IQGAP1: variants seen among roughly 807,000 people sequenced by gnomAD.
The protein encoded by IQGAP1 is ras GTPase-activating-like protein IQGAP1.
A neutral mutation model predicts 215.6 loss-of-function variants in IQGAP1; 66 were observed. The observed-to-expected ratio is 0.31, with a 90% CI of 0.25 to 0.38. IQGAP1 has a LOEUF of 0.38. Ranked by LOEUF, IQGAP1 falls within the 10% of genes least tolerant of loss-of-function variation. IQGAP1 has a pLI of 1.00. For synonymous variants in IQGAP1, 772 were observed against 728.7 expected (o/e 1.06, Z -0.96); for missense variants, 1,712 against 1,997.1 (o/e 0.86, Z 2.72).
intron 2 of IQGAP1, among the ~76,000 whole-genome samples, chr15:90,397,222 C>A (rs1316568708): frequency 1.3e-5 from 2 of 152,134 alleles, no homozygotes; most frequent in African/African-American, 4.8e-5. Flanking sequence ...TAAGAAAAGT[C>A]ATGTGGCTCT....
chr15:90,465,274 G>C (rs780868972), intron 15 of IQGAP1, among the ~76,000 whole-genome samples: 1 of 152,196 alleles, frequency 6.6e-6, no homozygotes, highest in African/African-American at 2.4e-5. Flanking sequence ...AACATTAGTA[G>C]TCATAGAGAA....
chr15:90,449,025 G>A (rs576567571), intron 10 of IQGAP1, among the ~76,000 whole-genome samples: 38 of 150,596 alleles, frequency 2.5e-4, no homozygotes, highest in African/African-American at 8.5e-4. Context: ...AAAAGACATT[G>A]GGGAAAACCT....
intron 5 of IQGAP1, among the ~76,000 whole-genome samples, chr15:90,436,465 G>T (rs1032719735): frequency 1.3e-5 from 2 of 152,166 alleles, no homozygotes; most frequent in African/African-American, 2.4e-5. Context: ...CTGTGTTTCA[G>T]GGTCTTTATT....
chr15:90,415,643 C>T (rs1438723012), intron 2 of IQGAP1, among the ~76,000 whole-genome samples: 1 of 152,202 alleles, frequency 6.6e-6, no homozygotes, highest in Non-Finnish European at 1.5e-5. Flanking sequence ...TGAGATTTCA[C>T]ATCTTTCCCA....
intron 2 of IQGAP1, among the ~76,000 whole-genome samples, chr15:90,422,565 T>C (rs1471159657): frequency 6.8e-6 from 1 of 147,278 alleles, no homozygotes; most frequent in Non-Finnish European, 1.5e-5. Context: ...TATAATAACA[T>C]GGAAAATATA....
chr15:90,415,010 A>G (rs1444767551), intron 2 of IQGAP1, among the ~76,000 whole-genome samples: 1 of 152,206 alleles, frequency 6.6e-6, no homozygotes, highest in Non-Finnish European at 1.5e-5. Context: ...AGTGTTTGTA[A>G]GTTTGCTGTA....
intron 5 of IQGAP1, among the ~76,000 whole-genome samples, chr15:90,437,605 G>C (rs914416258): frequency 6.6e-6 from 1 of 152,138 alleles, no homozygotes; most frequent in African/African-American, 2.4e-5. Flanking sequence ...GCAGAGGTGT[G>C]ATCTTGACTC....
At chr15:90,422,620 ATATATG>A (rs1401415632) in intron 2 of IQGAP1, among the ~76,000 whole-genome samples, 1 of 74,332 alleles carries the variant, frequency 1.3e-5, no homozygotes, top group Non-Finnish European at 2.5e-5. Flanking sequence ...ATATATATAT[ATATATG>A]TATATATATA....
At chr15:90,473,833 G>A in intron 20 of IQGAP1, 35 bp downstream of exon 20, 3 of 1,609,604 alleles carry the variant, frequency 1.9e-6, no homozygotes, top group Non-Finnish European at 2.5e-6. Context: ...TCCATGAGGG[G>A]CACAGGTATA....
intron 15 of IQGAP1, among the ~76,000 whole-genome samples, chr15:90,463,462 C>T (rs1461473133): frequency 6.6e-6 from 1 of 152,186 alleles, no homozygotes; most frequent in East Asian, 1.9e-4. Context: ...ACTAGACCAT[C>T]AGCCCTCTCG....
chr15:90,415,390 T>C (rs1004478554), intron 2 of IQGAP1, among the ~76,000 whole-genome samples: 4 of 152,220 alleles, frequency 2.6e-5, no homozygotes, highest in African/African-American at 9.6e-5. Flanking sequence ...GTTAAAGTTT[T>C]ATTTAGTTTT....
At chr15:90,415,547 T>C (rs545412104) in intron 2 of IQGAP1, among the ~76,000 whole-genome samples, 1 of 152,322 alleles carries the variant, frequency 6.6e-6, no homozygotes, top group East Asian at 1.9e-4. Context: ...TCTAATCCAT[T>C]TGGTGTTTAA....
intron 2 of IQGAP1, among the ~76,000 whole-genome samples, chr15:90,413,827 T>C (rs1405754402): frequency 1.3e-5 from 2 of 152,194 alleles, no homozygotes; most frequent in East Asian, 1.9e-4. Context: ...TCCTGCTTTA[T>C]ATATGGGAAA....
chr15:90,450,568 A>G (rs1965589622), intron 11 of IQGAP1, among the ~76,000 whole-genome samples: 2 of 151,596 alleles, frequency 1.3e-5, no homozygotes, highest in Admixed American at 6.6e-5. Context: ...TTATATTCCC[A>G]TCAACAGTGT....
Position 90,439,855 on chromosome 15 carries a change from A to T in IQGAP1, c.535+456A>T, listed in dbSNP as rs190500390. Among the ~76,000 whole-genome samples the T allele has an allele frequency of 4.6e-5, 7 of 152,178 alleles. No individual in the cohort carries two copies. The East Asian group carries it at 1.3e-3, about 29-fold the overall frequency. On this transcript the variant is annotated intron_variant, in intron 6 of 37. Transcript: ENST00000268182. ...TAAGCTTATTTGGGTGGGTGTTTCT[A>T]TGTGTATTTGCTATAGCCAGATGCT...
In IQGAP1 at chr15:90,496,545, C is replaced by A. The variant is rs968661678; in HGVS notation, c.4752-687C>A. On this transcript the variant is annotated intron_variant, in intron 36 of 37. Transcript: ENST00000268182. ...TTCACCATGTTGGCCAGGATGGCCTCGATCTGACCTCGTGATCCGCCCGCC... is the reference window on the plus strand; with the variant it reads ...TTCACCATGTTGGCCAGGATGGCCTAGATCTGACCTCGTGATCCGCCCGCC... Among the ~76,000 whole-genome samples, 16 of 151,920 alleles carry A rather than the reference C, an allele frequency of 1.1e-4. 1 individual carries two copies. The highest frequency in any genetic ancestry group is 1.0e-4 in the Non-Finnish European group (7 of 67,986).
intron 36 of IQGAP1, 80 bp from the exon 37 acceptor site, chr15:90,497,152 T>A: frequency 1.4e-6 from 1 of 735,968 alleles, no homozygotes; most frequent in South Asian, 1.8e-5. Flanking sequence ...AAGACTTGGT[T>A]CATCTCCTTT....
chr15:90,453,204 T>C lies in IQGAP1; in HGVS notation c.1399T>C (p.Leu467=). Residue 467 remains leucine, a synonymous_variant, in exon 13 of 38, where the codon TTG becomes CTG. Transcript: ENST00000268182. Reference sequence around the variant, plus strand: ...ATCGGTGGCCCTGATCAACAGGGCATTGGAATCAGGAGATGTGAATACAGT... The same window carrying C: ...ATCGGTGGCCCTGATCAACAGGGCACTGGAATCAGGAGATGTGAATACAGT... ...LSSVALINRA[L]ESGDVNTVWK... is the part of the protein sequence containing the mutation. 1 of 1,613,982 alleles carries C rather than the reference T, an allele frequency of 6.2e-7. No individual in the cohort carries two copies. The highest frequency in any genetic ancestry group is 8.5e-7 in the Non-Finnish European group (1 of 1,179,892).
At chr15:90,454,597 A>G (rs951682823) in intron 14 of IQGAP1, 45 bp downstream of exon 14, 4 of 1,501,062 alleles carry the variant, frequency 2.7e-6, no homozygotes, top group South Asian at 2.7e-5. Flanking sequence ...ACCATTAATG[A>G]TGATGTGATT....
Sources: gnomAD v4.1 joint callset for allele counts (sites outside exome capture counted in the v4.1 genomes callset) on GRCh38, gnomAD v4.1.1 for gene constraint, MANE v1.5 for transcripts, NCBI Gene and HGNC (gene_info 2026-07-23, HGNC 2026-07-21) for gene names.